CACNB3: variants seen among roughly 807,000 people sequenced by gnomAD.
CACNB3 encodes calcium voltage-gated channel auxiliary subunit beta 3.
CACNB3 carries 36 observed loss-of-function variants against 63.7 expected under a neutral mutation model. That is an observed-to-expected ratio of 0.57 (90% CI 0.43 to 0.75). The LOEUF (loss-of-function observed/expected upper bound fraction) is 0.75. CACNB3 is among the 30% of genes least tolerant of loss of function. The pLI, the probability that CACNB3 is intolerant of heterozygous loss-of-function variation, is 0.00. For missense variants in CACNB3, 493 were observed against 648.6 expected (o/e 0.76, Z 2.61); for synonymous variants, 241 against 250.6 (o/e 0.96, Z 0.36).
upstream of CACNB3, chr12:48,815,610 G>A (rs1942265616): frequency 6.5e-7 from 1 of 1,533,074 alleles, no homozygotes; most frequent in Admixed American, 2.0e-5. Flanking sequence ...GGAGCAGCGT[G>A]CAGAGCAGCG....
chr12:48,828,766 T>G lies in CACNB3; in HGVS notation c.*867T>G. ...TGGAGAACCGGGCTCCAGACTTTGT[T>G]CCCTGACTCATAGCTGCCGCTTGTT... On this transcript the variant is annotated 3_prime_UTR_variant, in exon 13 of 13. Coordinates refer to ENST00000301050, the MANE Select transcript of CACNB3 (RefSeq NM_000725.4). 1 of 456,450 alleles carries G rather than the reference T, an allele frequency of 2.2e-6. No homozygotes were observed. The highest frequency in any genetic ancestry group is 4.4e-6 in the Non-Finnish European group (1 of 226,772). The allele number at this position is 456,450 out of a possible 1,614,324, so 28.3% of individuals were successfully genotyped here. A position where few individuals can be genotyped will look rare whatever the true frequency, so the allele number is the denominator to read the frequency against.
In CACNB3 at chr12:48,823,668, G is replaced by A; in HGVS notation, c.169-13G>A. The A allele has an allele frequency of 6.2e-7, 1 of 1,614,060 alleles. No homozygotes were observed. ...AGCCTTCTCTCACTTGCACTAATGG[G>A]CAAATTCTCCAGCACAAACCTGTGG... On this transcript the variant is annotated splice_polypyrimidine_tract_variant and intron_variant, in intron 2 of 12. Coordinates refer to ENST00000301050, the MANE Select transcript of CACNB3 (RefSeq NM_000725.4). This position sits in a 1 kb window ranked among gnomAD's most constrained non-coding sequence, Gnocchi z 4.2.
chr12:48,819,983 G>A (rs2137444919), intron 1 of CACNB3: 1 of 234,738 alleles, frequency 4.3e-6, no homozygotes, highest in South Asian at 4.8e-5. Flanking sequence ...AGATGGCTTG[G>A]AAGGGGCCCC....
chr12:48,825,667 A>G lies in CACNB3; in HGVS notation c.640A>G (p.Ile214Val). The change falls in exon 9 of 13, where the codon ATC becomes GTC. Residue 214 changes from isoleucine (I) to valine (V), a missense_variant. By Grantham distance (29) the Ile-to-Val change is conservative. Coordinates refer to ENST00000301050, the MANE Select transcript of CACNB3 (RefSeq NM_000725.4). The surrounding 1 kb of genome is among the most constrained non-coding windows in gnomAD (Gnocchi z 4.5). ...TCTCCACTCCCACCCCAGGATCTCC[A>G]TCACCCGAGTCACAGCCGACCTCTC... Reference protein sequence around the residue: ...LKHRFDGRISITRVTADLSLA... With the variant: ...LKHRFDGRISVTRVTADLSLA... 2 of 1,613,854 alleles carry G rather than the reference A, an allele frequency of 1.2e-6. No homozygotes were observed. Among genetic ancestry groups the G allele is most frequent in the Middle Eastern group, 1.7e-4 (1 of 6,060 alleles).
At position 48,828,560 on chromosome 12, in the gene CACNB3, T is replaced by A; in HGVS notation, c.*661T>A. 4.9e-6 allele frequency: 2 copies of A among 411,370 alleles called. No homozygotes were observed. Among genetic ancestry groups the A allele is most frequent in the South Asian group, 3.5e-5 (2 of 56,940 alleles). 25.5% of individuals were successfully genotyped at this position (411,370 alleles called of 1,614,324 possible). ...CTCCTCACCCTGCCAGGAAGCTTCT[T>A]AACATGTGACAGGACCAGGGACCAG... On this transcript the variant is annotated 3_prime_UTR_variant, in exon 13 of 13. Transcript: ENST00000301050.
Position 48,818,733 on chromosome 12 carries a change from G to A in CACNB3, c.-197G>A. ...CCGGCTGGGTTTGGGGGGGTGGGGT[G>A]GGGGGAGCGGTGATCTGAGCTCCGA... On this transcript the variant is annotated 5_prime_UTR_variant, in exon 1 of 13. Coordinates refer to ENST00000301050, the MANE Select transcript of CACNB3 (RefSeq NM_000725.4). This position sits in a 1 kb window ranked among gnomAD's most constrained non-coding sequence, Gnocchi z 4.3. 3 of 1,261,936 alleles carry A rather than the reference G, an allele frequency of 2.4e-6. No individual in the cohort carries two copies. The highest frequency in any genetic ancestry group is 1.0e-6 in the Non-Finnish European group (1 of 994,320). 78.2% of individuals were successfully genotyped at this position (1,261,936 alleles called of 1,614,324 possible).
intron 1 of CACNB3, 91 bp downstream of exon 1, chr12:48,819,065 C>T (rs1937701817): frequency 1.4e-5 from 19 of 1,383,144 alleles, no homozygotes; most frequent in Non-Finnish European, 1.8e-5. Flanking sequence ...CTTTGAAAAA[C>T]GCCTCAGTGG....
At chr12:48,815,661 A>AG, upstream of CACNB3, 2 of 1,258,126 alleles carry the variant, frequency 1.6e-6, no homozygotes, top group Non-Finnish European at 2.0e-6. Flanking sequence ...GGCCCGGGGG[A>AG]GGGGGAGAGG....
Position 48,826,249 on chromosome 12 carries a change from C to G in CACNB3, c.743-118C>G, listed in dbSNP as rs10875878. 405,514 of 989,052 alleles carry G rather than the reference C, an allele frequency of 0.41. 87,495 individuals are homozygous for G. The highest frequency in any genetic ancestry group is 0.58 in the East Asian group (22,664 of 39,062). 61.3% of individuals were successfully genotyped at this position (989,052 alleles called of 1,614,324 possible). ...CCCATTCCTCTGCCTGTCCAGGCTT[C>G]GATGAATGCCCTTTTCCTCCAATTC... is the stretch of plus-strand genomic sequence containing the variant. On this transcript the variant is annotated intron_variant, in intron 9 of 12. Coordinates refer to ENST00000301050, the MANE Select transcript of CACNB3 (RefSeq NM_000725.4). The surrounding 1 kb of genome is among the most constrained non-coding windows in gnomAD (Gnocchi z 4.8).
chr12:48,815,652 G>A, upstream of CACNB3: 1 of 1,519,358 alleles, frequency 6.6e-7, no homozygotes, highest in Non-Finnish European at 8.8e-7. Flanking sequence ...GGAGCCCCTG[G>A]CCCGGGGGAG....
upstream of CACNB3, chr12:48,815,747 T>C (rs370360303): frequency 3.1e-5 from 14 of 446,846 alleles, no homozygotes; most frequent in African/African-American, 3.6e-4. Context: ...GGGGGGGGTG[T>C]GGGGTCGTGG....
Position 48,825,179 on chromosome 12 carries a change from C to T in CACNB3, c.509C>T (p.Pro170Leu). 5 of 1,614,108 alleles carry T rather than the reference C, an allele frequency of 3.1e-6. No individual in the cohort carries two copies. Among genetic ancestry groups the T allele is most frequent in the Non-Finnish European group, 4.2e-6 (5 of 1,180,024 alleles). ...QKQKQAEHVP[P>L]YDVVPSMRPV... ...ATTCTGCAGGCGGAACATGTTCCCC[C>T]ATATGACGTGGTGCCCTCCATGCGG... Residue 170 changes from proline to leucine, a missense_variant, in exon 7 of 13, where the codon CCA becomes CTA. Coordinates refer to ENST00000301050, the MANE Select transcript of CACNB3 (RefSeq NM_000725.4). This position sits in a 1 kb window ranked among gnomAD's most constrained non-coding sequence, Gnocchi z 4.5.
intron 1 of CACNB3, among the ~76,000 whole-genome samples, chr12:48,821,674 A>C (rs1484029914): frequency 6.6e-6 from 1 of 152,030 alleles, no homozygotes; most frequent in Non-Finnish European, 1.5e-5. Flanking sequence ...TGGTTGCTTC[A>C]GACACCAACA....
rs3837455 is a variant in CACNB3, at chr12:48,825,902, C to CA, written c.742+134dup. 0.41 allele frequency: 259,904 copies of CA among 632,498 alleles called. 55,061 individuals are homozygous for CA. The highest frequency in any genetic ancestry group is 0.53 in the African/African-American group (28,794 of 54,536). 39.2% of individuals were successfully genotyped at this position (632,498 alleles called of 1,614,324 possible). ...GGAGTGCAGTGGTGAGATCTCGGCTCACTGCAACCTCCACCTCCTGGGTTC... is the reference window on the plus strand; with the variant it reads ...GGAGTGCAGTGGTGAGATCTCGGCTCAACTGCAACCTCCACCTCCTGGGTTC... On this transcript the variant is annotated intron_variant, in intron 9 of 12. Transcript: ENST00000301050. This position sits in a 1 kb window ranked among gnomAD's most constrained non-coding sequence, Gnocchi z 4.5.
chr12:48,828,005 C>A lies in CACNB3; in HGVS notation c.*106C>A. On this transcript the variant is annotated 3_prime_UTR_variant, in exon 13 of 13. Transcript: ENST00000301050. ...GCATCAGGCTGGCACTAGGCTCAGC[C>A]CCCAAAACCCCCTGCCCAGCCCCAG... 1 of 940,062 alleles carries A rather than the reference C, an allele frequency of 1.1e-6. No individual in the cohort carries two copies. Among genetic ancestry groups the A allele is most frequent in the Non-Finnish European group, 1.6e-6 (1 of 617,884 alleles). 58.2% of individuals were successfully genotyped at this position (940,062 alleles called of 1,614,324 possible).
Position 48,825,313 on chromosome 12 carries a change from T to C in CACNB3, c.573+70T>C. On this transcript the variant is annotated intron_variant, in intron 7 of 12. Coordinates refer to ENST00000301050, the MANE Select transcript of CACNB3 (RefSeq NM_000725.4). The surrounding 1 kb of genome is among the most constrained non-coding windows in gnomAD (Gnocchi z 4.5). Reference sequence around the variant, plus strand: ...TGCCACAGGAAGTCCCTAGGGAAAGTGGAAGGGGTGTGTCTCCTCCGTCCA... The same window carrying C: ...TGCCACAGGAAGTCCCTAGGGAAAGCGGAAGGGGTGTGTCTCCTCCGTCCA... 6.3e-7 allele frequency: 1 copy of C among 1,575,252 alleles called. No individual in the cohort carries two copies. Among genetic ancestry groups the C allele is most frequent in the Non-Finnish European group, 8.7e-7 (1 of 1,146,222 alleles).
In CACNB3 at chr12:48,826,204, C is replaced by T. The variant is rs1938130409; in HGVS notation, c.743-163C>T. 5 of 670,822 alleles carry T rather than the reference C, an allele frequency of 7.5e-6. No homozygotes were observed. In the Admixed American group the frequency reaches 1.1e-4, roughly 14 times the overall value. The allele number at this position is 670,822 out of a possible 1,614,324, so 41.6% of individuals were successfully genotyped here. On this transcript the variant is annotated intron_variant, in intron 9 of 12. Transcript: ENST00000301050. This position sits in a 1 kb window ranked among gnomAD's most constrained non-coding sequence, Gnocchi z 4.8. The stretch of plus-strand genomic sequence containing the variant: ...TACCTGCCCCCAGGATTGGCAAGAA[C>T]ACACCCCTCCTCCTCAATTCCCATT...
At chr12:48,827,302 C>T (rs1938196663) in intron 12 of CACNB3, among the ~76,000 whole-genome samples, 179 bp downstream of exon 12, 2 of 152,234 alleles carry the variant, frequency 1.3e-5, no homozygotes, top group African/African-American at 4.8e-5. Flanking sequence ...GAGAGGGAAT[C>T]AATCAATGAG....
At position 48,827,435 on chromosome 12, in the gene CACNB3, C is replaced by T. The variant is rs150362487; in HGVS notation, c.1141-150C>T. ...GAGTCGAAGCTCCAGTTTTCTCTCT[C>T]GGAAGAGGAAAAATGCTCCAGCATG... On this transcript the variant is annotated intron_variant, in intron 12 of 12. Coordinates refer to ENST00000301050, the MANE Select transcript of CACNB3 (RefSeq NM_000725.4). 257 of 849,738 alleles carry T rather than the reference C, an allele frequency of 3.0e-4. No homozygotes were observed. The African/African-American group carries it at 3.5e-3, about 11-fold the overall frequency. 52.6% of individuals were successfully genotyped at this position (849,738 alleles called of 1,614,324 possible).
Sources: gnomAD v4.1 joint callset for allele counts (sites outside exome capture counted in the v4.1 genomes callset) on GRCh38, gnomAD v4.1.1 for gene constraint, Gnocchi (gnomAD v3.1) non-coding constraint, MANE v1.5 for transcripts, NCBI Gene and HGNC (gene_info 2026-07-23, HGNC 2026-07-21) for gene names.